Variants in STAB2 observed in about 807,000 individuals in gnomAD.
The protein encoded by STAB2 is stabilin-2.
STAB2 carries 288 observed loss-of-function variants against 338.1 expected under a neutral mutation model. That is an observed-to-expected ratio of 0.85 (90% confidence interval 0.77 to 0.94). The LOEUF (loss-of-function observed/expected upper bound fraction) is 0.94, where lower values mean the gene tolerates loss of function less well. STAB2 is among the 40% of genes least tolerant of loss of function. The probability of loss-of-function intolerance (pLI) is 0.00; values close to 1 mark genes in which losing one functional copy is unlikely to be tolerated. For synonymous variants in STAB2, 1,202 were observed against 1,193.3 expected, an observed-to-expected ratio of 1.01 and a Z score of -0.15; for missense variants, 3,141 against 3,210.1, an observed-to-expected ratio of 0.98 and a Z score of 0.52.
At chr12:103,702,291 G>GT (rs1348975087) in intron 34 of STAB2, among the ~76,000 whole-genome samples, 144 of 124,842 alleles carry the variant, frequency 1.2e-3, no homozygotes, top group African/African-American at 4.1e-3. Flanking sequence ...AAAATTATCA[G>GT]TTATTTTTTT....
At chr12:103,587,891 G>A (rs893606474) in intron 1 of STAB2, among the ~76,000 whole-genome samples, 1 of 152,166 alleles carries the variant, frequency 6.6e-6, no homozygotes, top group African/African-American at 2.4e-5. Context: ...CCATCTTCCT[G>A]ACTAGAAAAT....
chr12:103,758,096 T>G (rs1884267974), intron 63 of STAB2, 74 bp from the exon 64 acceptor site: 1 of 1,598,168 alleles, frequency 6.3e-7, no homozygotes, highest in African/African-American at 1.3e-5. Context: ...GGTGATGCCC[T>G]GGGACCTTCT....
chr12:103,606,667 G>A lies in STAB2; in HGVS notation c.331+12157G>A, dbSNP rs147582142. On this transcript the variant is annotated intron_variant, in intron 3 of 68. Transcript: ENST00000388887. Reference sequence around the variant, plus strand: ...TTTGGTAATTTAAAGATGTTTCCCTGTCTTTTCAGTTATATTGTTTCTAAT... The same window carrying A: ...TTTGGTAATTTAAAGATGTTTCCCTATCTTTTCAGTTATATTGTTTCTAAT... Among the ~76,000 whole-genome samples the A allele has an allele frequency of 3.8e-3, 574 of 152,168 alleles. 6 individuals carry two copies. Among genetic ancestry groups the A allele is most frequent in the African/African-American group, 0.013 (555 of 41,536 alleles).
chr12:103,755,528 T>C, intron 62 of STAB2, 61 bp downstream of exon 62: 1 of 1,608,382 alleles, frequency 6.2e-7, no homozygotes, highest in Non-Finnish European at 8.5e-7. Context: ...ATCCTCAGCC[T>C]GGCCAGTCAC....
chr12:103,638,876 CAGA>C (rs1308166837), intron 8 of STAB2, among the ~76,000 whole-genome samples: 1 of 152,212 alleles, frequency 6.6e-6, no homozygotes, highest in Non-Finnish European at 1.5e-5. Flanking sequence ...TGTGTCCATA[CAGA>C]AGGGTATTGC....
chr12:103,671,683 A>G (rs1220987532), intron 22 of STAB2, among the ~76,000 whole-genome samples: 1 of 152,204 alleles, frequency 6.6e-6, no homozygotes, highest in Non-Finnish European at 1.5e-5. Flanking sequence ...TGCCACAAAT[A>G]TTATTATCTC....
intron 34 of STAB2, among the ~76,000 whole-genome samples, chr12:103,699,993 A>T (rs1029143748): frequency 3.9e-5 from 6 of 152,198 alleles, no homozygotes; most frequent in Non-Finnish European, 5.9e-5. Flanking sequence ...CATGACATAC[A>T]CAGGAGCCAG....
At position 103,734,379 on chromosome 12, in the gene STAB2, A is replaced by G. The variant is rs114724607; in HGVS notation, c.5461-1112A>G. ...GTCTCATAGGAACAAGAGCGATCAT[A>G]TAGGAGCAAGCACAATCATATGGGA... On this transcript the variant is annotated intron_variant, in intron 51 of 68. Coordinates refer to ENST00000388887, the MANE Select transcript of STAB2 (RefSeq NM_017564.10). Among the ~76,000 whole-genome samples, 1,293 of 151,376 alleles carry G rather than the reference A, an allele frequency of 8.5e-3. 24 individuals are homozygous for G. Among genetic ancestry groups the G allele is most frequent in the African/African-American group, 0.029 (1,200 of 41,226 alleles).
chr12:103,703,421 G>A, intron 35 of STAB2, 145 bp downstream of exon 35: 2 of 1,064,506 alleles, frequency 1.9e-6, no homozygotes, highest in Non-Finnish European at 2.7e-6. Context: ...GTGCCAAGGA[G>A]CATACCAGGC....
chr12:103,639,764 G>A (rs1256772724), intron 8 of STAB2, among the ~76,000 whole-genome samples: 4 of 147,124 alleles, frequency 2.7e-5, no homozygotes, highest in Non-Finnish European at 6.0e-5. Flanking sequence ...GTCCTAGATT[G>A]AGACTCCTGG....
chr12:103,651,314 ATTT>A (rs10669870), intron 11 of STAB2, among the ~76,000 whole-genome samples: 1 of 132,694 alleles, frequency 7.5e-6, no homozygotes, highest in Non-Finnish European at 1.6e-5. Context: ...CCTGATCTTG[ATTT>A]TTTTTTTTTT....
At chr12:103,619,101 C>A (rs1178197538) in intron 3 of STAB2, among the ~76,000 whole-genome samples, 8 of 152,214 alleles carry the variant, frequency 5.3e-5, no homozygotes, top group Non-Finnish European at 1.2e-4. Flanking sequence ...AAATCTCTTT[C>A]CTTTTTAAAT....
Position 103,749,173 on chromosome 12 carries a change from C to A in STAB2, c.6438+17C>A. The A allele has an allele frequency of 6.3e-7, 1 of 1,583,384 alleles. No individual in the cohort carries two copies. ...ACAGGCCCGGTGAGTCGCTCTTTCC[C>A]AGGGAAATTTGGGAGCAGCGCCGTG... On this transcript the variant is annotated intron_variant, in intron 59 of 68. Transcript: ENST00000388887.
chr12:103,763,680 A>C, intron 68 of STAB2, 72 bp downstream of exon 68: 2 of 1,337,938 alleles, frequency 1.5e-6, no homozygotes, highest in African/African-American at 1.5e-5. Flanking sequence ...AGGAAATTTC[A>C]GTGGAGATCT....
intron 58 of STAB2, 26 bp from the exon 59 acceptor site, chr12:103,748,937 G>A: frequency 6.3e-7 from 1 of 1,599,944 alleles, no homozygotes; most frequent in South Asian, 1.1e-5. Flanking sequence ...GTGGTAAGTT[G>A]AGCCCTCTCT....
chr12:103,604,503 T>C (rs1295298804), intron 3 of STAB2, among the ~76,000 whole-genome samples: 1 of 152,050 alleles, frequency 6.6e-6, no homozygotes, highest in Non-Finnish European at 1.5e-5. Context: ...ATTTTCTTTG[T>C]GTAAAGGATT....
rs561605605 is a variant in STAB2, at chr12:103,656,356, A to G, written c.1734+775A>G. ...AGTGTTGATTATATAGAATGTGGAG[A>G]GAAGGAGGAAAGGATGTCCCAGTCT... On this transcript the variant is annotated intron_variant, in intron 15 of 68. Coordinates refer to ENST00000388887, the MANE Select transcript of STAB2 (RefSeq NM_017564.10). 2.9e-4 allele frequency among the ~76,000 whole-genome samples: 44 copies of G among 152,286 alleles called. 1 individual carries two copies. The South Asian group carries it at 8.9e-3, about 31-fold the overall frequency.
At chr12:103,762,513 G>C in intron 67 of STAB2, 111 bp downstream of exon 67, 4 of 1,537,322 alleles carry the variant, frequency 2.6e-6, no homozygotes, top group Non-Finnish European at 3.5e-6. Flanking sequence ...CAGAAGCAGT[G>C]TGTCACACAG....
At chr12:103,756,996 A>AAAAAAAATATAT (rs1215468922) in intron 63 of STAB2, among the ~76,000 whole-genome samples, 1 of 56,380 alleles carries the variant, frequency 1.8e-5, no homozygotes, top group African/African-American at 1.0e-4. Context: ...AAGGAGGGAA[A>AAAAAAAATATAT]ATATATATAT....
Sources: allele counts gnomAD v4.1 joint callset (sites outside exome capture counted in the v4.1 genomes callset), GRCh38; gene constraint gnomAD v4.1.1; transcripts MANE v1.5; gene names NCBI Gene and HGNC (gene_info 2026-07-23, HGNC 2026-07-21).